The following ZBED1 variants were observed in gnomAD, a reference collection of about 807,000 sequenced individuals.
ZBED1 encodes the protein E3 SUMO-protein ligase ZBED1.
A neutral mutation model predicts 49.7 loss-of-function variants in ZBED1; 19 were observed. The ratio of observed to expected loss-of-function variants is 0.38; its 90% CI spans 0.27 to 0.56. The LOEUF (loss-of-function observed/expected upper bound fraction) is 0.56, where lower values mean the gene tolerates loss of function less well. Ranked by LOEUF, ZBED1 falls within the 20% of genes least tolerant of loss-of-function variation. The pLI is 0.70. For synonymous variants in ZBED1, 439 were observed against 440.3 expected, an observed-to-expected ratio of 1.00 and a Z score of 0.04; for missense variants, 806 against 972.6, an observed-to-expected ratio of 0.83 and a Z score of 2.28.
intron 1 of ZBED1, chrX:2,500,286 C>A (rs1237343120): frequency 5.5e-6 from 1 of 180,266 alleles, no homozygotes; most frequent in South Asian, 1.5e-4. Flanking sequence ...AGACGTCCTC[C>A]GGAGAAGGGC....
In ZBED1 at chrX:2,486,851, G is replaced by GT. The variant is rs2044949598; in HGVS notation, c.*1783dup. The GT allele has an allele frequency of 6.6e-6, 1 of 152,234 alleles. No homozygotes were observed. Among genetic ancestry groups the GT allele is most frequent in the Non-Finnish European group, 1.5e-5 (1 of 68,042 alleles). The allele number at this position is 152,234 out of a possible 1,614,324, so 9.4% of individuals were successfully genotyped here. On this transcript the variant is annotated 3_prime_UTR_variant, in exon 2 of 2. Coordinates refer to ENST00000652001, the MANE Select transcript of ZBED1 (RefSeq NM_001171136.2). ...CCACAGACTTAAACCGGCTCAGGACGTAAGGATAACATTCTGTGCTGCTTG... is the reference window on the plus strand; with the variant it reads ...CCACAGACTTAAACCGGCTCAGGACGTTAAGGATAACATTCTGTGCTGCTTG...
Position 2,490,337 on chromosome X carries a change from G to A in ZBED1, c.383C>T (p.Ala128Val). The A allele has an allele frequency of 1.9e-6, 3 of 1,613,190 alleles. No homozygotes were observed. The highest frequency in any genetic ancestry group is 1.8e-4 in the Middle Eastern group (1 of 5,568). ...CTCGCAGATGAGGCCCAGCACGGCG[G>A]CCGTCAGCTCCTGCTGCTTCTTGCT... is the stretch of plus-strand genomic sequence containing the variant. ...YDSKKQQELTAAVLGLICEGL... is the reference protein window; with the variant it reads ...YDSKKQQELTVAVLGLICEGL... The change falls in exon 2 of 2, where the codon GCC becomes GTC. Residue 128 changes from alanine (A) to valine (V), a missense_variant. Transcript: ENST00000652001.
At position 2,490,536 on chromosome X, in the gene ZBED1, T is replaced by A; in HGVS notation, c.184A>T (p.Asn62Tyr). The A allele has an allele frequency of 6.2e-7, 1 of 1,613,978 alleles. No homozygotes were observed. Among genetic ancestry groups the A allele is most frequent in the Non-Finnish European group, 8.5e-7 (1 of 1,179,866 alleles). The change falls in exon 2 of 2, where the codon AAC becomes TAC. Residue 62 changes from asparagine (N) to tyrosine (Y), a missense_variant. Physicochemically the swap from Asn to Tyr is moderately radical, Grantham distance 143 (BLOSUM62 -2). This residue lies in a region of ZBED1 where 57 missense variants were observed against 111.3 expected (regional missense o/e 0.51). Coordinates refer to ENST00000652001, the MANE Select transcript of ZBED1 (RefSeq NM_001171136.2). ...TTCTTCTCCAGGTGGTAGGACAGGT[T>A]GGAGGTGTTTCCGGAGTAGGCGATC... ...AQIAYSGNTS[N>Y]LSYHLEKNHP... is the part of the protein sequence containing the mutation.
chrX:2,499,448 A>G (rs2045358490), intron 1 of ZBED1, among the ~76,000 whole-genome samples: 1 of 152,172 alleles, frequency 6.6e-6, no homozygotes, highest in Non-Finnish European at 1.5e-5. Context: ...CAGTTCACAA[A>G]TAATTGTTTA....
In ZBED1 at chrX:2,489,667, G is replaced by A; in HGVS notation, c.1053C>T (p.Val351=). ...VAHCMLVSNR[V]SWWGSTLAML... ...TGGCCAGCGTGCTCCCCCACCAGGA[G>A]ACGCGGTTGCTCACCAGCATGCAGT... is the stretch of plus-strand genomic sequence containing the variant. Residue 351 remains valine (V), a synonymous_variant, in exon 2 of 2, where the codon GTC becomes GTT. Transcript: ENST00000652001. 7 of 1,612,440 alleles carry A rather than the reference G, an allele frequency of 4.3e-6. No individual in the cohort carries two copies. Among genetic ancestry groups the A allele is most frequent in the Non-Finnish European group, 5.9e-6 (7 of 1,179,776 alleles).
In ZBED1 at chrX:2,500,824, C is replaced by A; in HGVS notation, c.-61G>T. 1 of 1,136,458 alleles carries A rather than the reference C, an allele frequency of 8.8e-7. No individual in the cohort carries two copies. The highest frequency in any genetic ancestry group is 4.8e-5 in the Admixed American group (1 of 20,738). The allele number at this position is 1,136,458 out of a possible 1,614,324, so 70.4% of individuals were successfully genotyped here. A position where few individuals can be genotyped will look rare whatever the true frequency, so the allele number is the denominator to read the frequency against. ...CTGCCCCGCCCCGCTGACCTGGCTC[C>A]AGGAAGCCCCCGCGGCAGCGCCGCA... On this transcript the variant is annotated 5_prime_UTR_variant, in exon 1 of 2. Coordinates refer to ENST00000652001, the MANE Select transcript of ZBED1 (RefSeq NM_001171136.2).
At chrX:2,491,949 T>C (rs1052655119) in intron 1 of ZBED1, among the ~76,000 whole-genome samples, 1 of 152,200 alleles carries the variant, frequency 6.6e-6, no homozygotes, top group Non-Finnish European at 1.5e-5. Flanking sequence ...TGTGACTGGG[T>C]TGCCCAAAAT....
intron 1 of ZBED1, among the ~76,000 whole-genome samples, chrX:2,495,454 G>A (rs1212913519): frequency 6.6e-6 from 1 of 152,076 alleles, no homozygotes; most frequent in Non-Finnish European, 1.5e-5. Flanking sequence ...CTGGAGTGAA[G>A]TTTTGTACTA....
chrX:2,492,510 G>A (rs1165294002), intron 1 of ZBED1, among the ~76,000 whole-genome samples: 1 of 152,168 alleles, frequency 6.6e-6, no homozygotes, highest in Admixed American at 6.5e-5. Context: ...CCCAGGATGT[G>A]GAATGAGATC....
chrX:2,490,730 C>T lies in ZBED1; in HGVS notation c.-11G>A. The T allele has an allele frequency of 6.2e-7, 1 of 1,606,722 alleles. No homozygotes were observed. Among genetic ancestry groups the T allele is most frequent in the Non-Finnish European group, 8.5e-7 (1 of 1,175,622 alleles). ...GCTTTTATTCTCCATTGCTTCTCCA[C>T]CGGAGCCTGCCTGCTGGACGGCTGC... On this transcript the variant is annotated 5_prime_UTR_variant, in exon 2 of 2. The change creates a new upstream start codon in the 5' untranslated region. Coordinates refer to ENST00000652001, the MANE Select transcript of ZBED1 (RefSeq NM_001171136.2).
In ZBED1 at chrX:2,486,503, G is replaced by C. The variant is rs2044933362; in HGVS notation, c.*2132C>G. On this transcript the variant is annotated 3_prime_UTR_variant, in exon 2 of 2. Transcript: ENST00000652001. ...TTAAATAAGGGGCAACCGTTCAGGA[G>C]GGGAACGATGGCTTAAAAATAAAAA... The C allele has an allele frequency of 6.6e-6, 1 of 152,210 alleles. No individual in the cohort carries two copies. Among genetic ancestry groups the C allele is most frequent in the Non-Finnish European group, 1.5e-5 (1 of 68,040 alleles). 9.4% of individuals were successfully genotyped at this position (152,210 alleles called of 1,614,324 possible). A position where few individuals can be genotyped will look rare whatever the true frequency, so the allele number is the denominator to read the frequency against.
rs774599670 is a variant in ZBED1, at chrX:2,490,386, C to T, written c.334G>A (p.Val112Ile). The T allele has an allele frequency of 6.1e-5, 98 of 1,613,668 alleles. No individual in the cohort carries two copies. Among genetic ancestry groups the T allele is most frequent in the Non-Finnish European group, 6.8e-5 (80 of 1,179,874 alleles). The stretch of plus-strand genomic sequence containing the variant: ...CTGTCGTAGCCGTGGCCGGCCTTGA[C>T]GGCCAGCGCGTCCTGCCCGGGCTGC... ...SQQPGQDALA[V>I]KAGHGYDSKK... Residue 112 changes from valine to isoleucine, a missense_variant, in exon 2 of 2, where the codon GTC becomes ATC. This residue lies in a region of ZBED1 where 749 missense variants were observed against 861.3 expected (regional missense o/e 0.87). Coordinates refer to ENST00000652001, the MANE Select transcript of ZBED1 (RefSeq NM_001171136.2).
intron 1 of ZBED1, among the ~76,000 whole-genome samples, chrX:2,497,369 G>A (rs2045311111): frequency 6.6e-6 from 1 of 152,098 alleles, no homozygotes; most frequent in Admixed American, 6.6e-5. Context: ...CTCCAGCCTG[G>A]GAAACAAAAG....
At position 2,489,791 on chromosome X, in the gene ZBED1, G is replaced by T. The variant is rs780897539; in HGVS notation, c.929C>A (p.Ala310Glu). The T allele has an allele frequency of 2.5e-6, 4 of 1,613,416 alleles. No individual in the cohort carries two copies. Among genetic ancestry groups the T allele is most frequent in the East Asian group, 4.5e-5 (2 of 44,892 alleles). Residue 310 changes from alanine to glutamate, a missense_variant, in exon 2 of 2, where the codon GCG becomes GAG. By Grantham distance (107) the Ala-to-Glu change is moderately radical. This residue lies in a region of ZBED1 where 749 missense variants were observed against 861.3 expected (regional missense o/e 0.87). Coordinates refer to ENST00000652001, the MANE Select transcript of ZBED1 (RefSeq NM_001171136.2). Reference sequence around the variant, plus strand: ...CAGTTTGCGGCAGCGCGACAGCAGCGCCCCCAGCTTCGGGAGCTGGAAGGC... The same window carrying T: ...CAGTTTGCGGCAGCGCGACAGCAGCTCCCCCAGCTTCGGGAGCTGGAAGGC... ...QQAFQLPKLG[A>E]LLSRCRKLVE...
In ZBED1 at chrX:2,489,062, CAGA is replaced by C; in HGVS notation, c.1655_1657del (p.Phe552del). The C allele has an allele frequency of 1.9e-6, 3 of 1,613,892 alleles. No homozygotes were observed. The highest frequency in any genetic ancestry group is 1.7e-5 in the Admixed American group (1 of 60,022). On this transcript the variant is annotated inframe_deletion, in exon 2 of 2. Transcript: ENST00000652001. ...CTGGTCCTCCACGCCGCCTGTCTGG[CAGA>C]AGATCTCGGCCAGCATGTTGTTGAT...
Position 2,489,729 on chromosome X carries a change from T to A in ZBED1, c.991A>T (p.Met331Leu), listed in dbSNP as rs768397574. ...TGCTGCTTCTGCTTCTCATAGAGCA[T>A]GTACATGGCCACGGCAGACTGCTGG... ...YFQQSAVAMYMLYEKQKQQNV... is the reference protein window; with the variant it reads ...YFQQSAVAMYLLYEKQKQQNV... Residue 331 changes from methionine (M) to leucine (L), a missense_variant, in exon 2 of 2, where the codon ATG becomes TTG. Physicochemically the swap from Met to Leu is conservative, Grantham distance 15 (BLOSUM62 2). Around this residue, in one of 2 missense-constraint regions of ZBED1, gnomAD observed 749 missense variants for 861.3 expected, o/e 0.87. Transcript: ENST00000652001. 4 of 1,613,040 alleles carry A rather than the reference T, an allele frequency of 2.5e-6. No individual in the cohort carries two copies. The African/African-American group carries it at 4.0e-5, about 16-fold the overall frequency.
At chrX:2,496,879 AAT>A (rs1419647055) in intron 1 of ZBED1, among the ~76,000 whole-genome samples, 3 of 148,840 alleles carry the variant, frequency 2.0e-5, no homozygotes, top group South Asian at 2.1e-4. Context: ...TTATTCTAAA[AAT>A]ATATATATTT....
rs769783686 is a variant in ZBED1, at chrX:2,489,734, A to G, written c.986T>C (p.Met329Thr). ...CTTCTGCTTCTCATAGAGCATGTACATGGCCACGGCAGACTGCTGGAAGTA... is the reference window on the plus strand; with the variant it reads ...CTTCTGCTTCTCATAGAGCATGTACGTGGCCACGGCAGACTGCTGGAAGTA... ...VEYFQQSAVA[M>T]YMLYEKQKQQ... Residue 329 changes from methionine (M) to threonine (T), a missense_variant, in exon 2 of 2, where the codon ATG becomes ACG. By Grantham distance (81) the Met-to-Thr change is moderately conservative. Coordinates refer to ENST00000652001, the MANE Select transcript of ZBED1 (RefSeq NM_001171136.2). 2 of 1,613,198 alleles carry G rather than the reference A, an allele frequency of 1.2e-6. No individual in the cohort carries two copies. The highest frequency in any genetic ancestry group is 2.2e-5 in the East Asian group (1 of 44,878).
chrX:2,491,076 T>G (rs1263274477), intron 1 of ZBED1, among the ~76,000 whole-genome samples: 1 of 128,152 alleles, frequency 7.8e-6, no homozygotes, highest in Non-Finnish European at 1.7e-5. Flanking sequence ...GTTTTTTTTT[T>G]TTTTTTTTTT....
Sources: gnomAD v4.1 joint callset for allele counts (sites outside exome capture counted in the v4.1 genomes callset) on GRCh38, gnomAD v4.1.1 for gene constraint, gnomAD v4.1.1 regional missense constraint, MANE v1.5 for transcripts, NCBI Gene and HGNC (gene_info 2026-07-23, HGNC 2026-07-21) for gene names.